ZDHHC13: variants seen among roughly 807,000 people sequenced by gnomAD.
ZDHHC13 encodes the protein palmitoyltransferase ZDHHC13.
Under a neutral mutation model 86.0 loss-of-function variants are expected in ZDHHC13, and 85 were observed. The ratio of observed to expected loss-of-function variants is 0.99; its 90% confidence interval spans 0.83 to 1.18. The LOEUF (loss-of-function observed/expected upper bound fraction) is 1.18. Ranked by LOEUF, ZDHHC13 falls within the 50% of genes most tolerant of loss-of-function variation. ZDHHC13 has a pLI of 0.00. For missense variants in ZDHHC13, 711 were observed against 730.2 expected (o/e 0.97, Z 0.30); for synonymous variants, 263 against 246.4 (o/e 1.07, Z -0.63).
At chr11:19,161,247 A>C (rs546278108) in intron 10 of ZDHHC13, among the ~76,000 whole-genome samples, 6 of 151,958 alleles carry the variant, frequency 3.9e-5, no homozygotes, top group East Asian at 3.9e-4. Context: ...AGAAGACAAA[A>C]CGATTTTGAG....
Position 19,165,040 on chromosome 11 carries a change from T to C in ZDHHC13, c.1297-12T>C, listed in dbSNP as rs1850019519. ...TGGTTTTTGCTTAGGCCTCTCTTAA[T>C]TGCCCACTTAGATAAGGAAGCCATT... On this transcript the variant is annotated splice_polypyrimidine_tract_variant and intron_variant, in intron 12 of 16. Coordinates refer to ENST00000446113, the MANE Select transcript of ZDHHC13 (RefSeq NM_019028.3). 2.5e-6 allele frequency: 4 copies of C among 1,610,434 alleles called. No individual in the cohort carries two copies. The highest frequency in any genetic ancestry group is 3.4e-6 in the Non-Finnish European group (4 of 1,178,166).
chr11:19,118,413 A>G (rs1365951271), intron 1 of ZDHHC13, among the ~76,000 whole-genome samples: 1 of 152,356 alleles, frequency 6.6e-6, no homozygotes, highest in Non-Finnish European at 1.5e-5. Context: ...CAGAAAAAAA[A>G]TAGTTCTCAG....
chr11:19,149,996 C>T (rs567748895), intron 5 of ZDHHC13, among the ~76,000 whole-genome samples: 22 of 152,222 alleles, frequency 1.4e-4, no homozygotes, highest in African/African-American at 4.6e-4. Flanking sequence ...GAATTATAAC[C>T]TCCTAGGTTT....
chr11:19,136,772 C>A (rs950401165), intron 1 of ZDHHC13, among the ~76,000 whole-genome samples: 1 of 151,950 alleles, frequency 6.6e-6, no homozygotes, highest in Non-Finnish European at 1.5e-5. Context: ...ATTCAACATT[C>A]TTAAAGAAAA....
At chr11:19,144,466 T>TGTGTGTG in intron 2 of ZDHHC13, among the ~76,000 whole-genome samples, 1 of 149,772 alleles carries the variant, frequency 6.7e-6, no homozygotes, top group African/African-American at 2.4e-5. Flanking sequence ...TGTGTGTGTG[T>TGTGTGTG]TTTCTAAACC....
Position 19,166,349 on chromosome 11 carries a change from A to C in ZDHHC13, c.1438A>C (p.Met480Leu). Residue 480 changes from methionine (M) to leucine (L), a missense_variant, in exon 14 of 17, where the codon ATG (methionine) becomes CTG (leucine). Coordinates refer to ENST00000446113, the MANE Select transcript of ZDHHC13 (RefSeq NM_019028.3). The stretch of plus-strand genomic sequence containing the variant: ...CATATTCTTCTTGTTTTTCCTTTCC[A>C]TGGTATGTGGCTGGATTATATATGG... ...YYIFFLFFLS[M>L]VCGWIIYGSF... 1 of 1,612,454 alleles carries C rather than the reference A, an allele frequency of 6.2e-7. No individual in the cohort carries two copies. The highest frequency in any genetic ancestry group is 1.3e-5 in the African/African-American group (1 of 74,918).
At position 19,147,692 on chromosome 11, in the gene ZDHHC13, C is replaced by G. The variant is rs1590075995; in HGVS notation, c.374+19C>G. The G allele has an allele frequency of 6.4e-7, 1 of 1,568,014 alleles. No individual in the cohort carries two copies. Among genetic ancestry groups the G allele is most frequent in the Non-Finnish European group, 8.7e-7 (1 of 1,152,366 alleles). ...CCATCCGGTAAGGTTTCTTTGAACA[C>G]TGAAATTAAATAGCCACATATAGCT... On this transcript the variant is annotated intron_variant, in intron 4 of 16. Transcript: ENST00000446113.
At chr11:19,123,249 C>T (rs1482725266) in intron 1 of ZDHHC13, among the ~76,000 whole-genome samples, 2 of 152,080 alleles carry the variant, frequency 1.3e-5, no homozygotes, top group Non-Finnish European at 2.9e-5. Context: ...AAGCTGATGT[C>T]CTTAATGCCT....
chr11:19,163,416 GA>G lies in ZDHHC13; in HGVS notation c.1226del (p.Lys409ArgfsTer3). 1.3e-6 allele frequency: 2 copies of G among 1,589,078 alleles called. No homozygotes were observed. Among genetic ancestry groups the G allele is most frequent in the East Asian group, 2.2e-5 (1 of 44,466 alleles). On this transcript the variant is annotated frameshift_variant, in exon 11 of 17. Transcript: ENST00000446113. LOFTEE classifies it high-confidence loss of function. ...AGGCTTCACTAAGGCTTCTGAAGAA[GA>G]AAAGAAAGTGGTGAGATTTCTTCGT... Reference protein sequence around the residue: ...DPGFTKASEEEKKVNIITLAE... With the variant: ...DPGFTKASEEXKKVNIITLAE...
At chr11:19,155,393 C>G (rs1441936500) in intron 8 of ZDHHC13, among the ~76,000 whole-genome samples, 2 of 151,964 alleles carry the variant, frequency 1.3e-5, no homozygotes, top group Admixed American at 1.3e-4. Flanking sequence ...CCAGCCTCGT[C>G]AACACAGTGA....
intron 10 of ZDHHC13, among the ~76,000 whole-genome samples, chr11:19,161,027 G>T (rs1490924771): frequency 6.6e-6 from 1 of 151,986 alleles, no homozygotes; most frequent in Non-Finnish European, 1.5e-5. Flanking sequence ...CTACTTGTGA[G>T]GGCATATAAG....
At chr11:19,126,504 T>A (rs1489008869) in intron 1 of ZDHHC13, among the ~76,000 whole-genome samples, 1 of 124,626 alleles carries the variant, frequency 8.0e-6, no homozygotes, top group Non-Finnish European at 1.7e-5. Flanking sequence ...CCTGGCTAAT[T>A]TTTTTTTTTT....
chr11:19,140,891 G>T (rs1414918062), intron 1 of ZDHHC13, among the ~76,000 whole-genome samples: 2 of 124,576 alleles, frequency 1.6e-5, no homozygotes, highest in Admixed American at 1.0e-4. Context: ...ACAGGAAGGG[G>T]AACATCATAC....
At chr11:19,173,877 A>C (rs928140274) in intron 16 of ZDHHC13, among the ~76,000 whole-genome samples, 3 of 152,180 alleles carry the variant, frequency 2.0e-5, no homozygotes, top group African/African-American at 7.2e-5. Flanking sequence ...CAAGCCCTAG[A>C]GAAGAGTCTG....
upstream of ZDHHC13, chr11:19,117,125 G>T (rs1848660190): frequency 1.9e-6 from 2 of 1,047,034 alleles, no homozygotes; most frequent in African/African-American, 3.2e-5. The surrounding 1 kb of genome is among the most constrained non-coding windows in gnomAD (Gnocchi z 4.2). Flanking sequence ...CACGAGCGGG[G>T]ACCGCAGCGG....
chr11:19,152,813 T>TC, intron 8 of ZDHHC13, 129 bp downstream of exon 8: 1 of 1,401,408 alleles, frequency 7.1e-7, no homozygotes, highest in South Asian at 1.3e-5. Context: ...ACTATATCTT[T>TC]CCCCCGCATC....
chr11:19,126,749 TAGCCTCC>T (rs1468485373), intron 1 of ZDHHC13, among the ~76,000 whole-genome samples: 1 of 152,132 alleles, frequency 6.6e-6, no homozygotes, highest in African/African-American at 2.4e-5. Context: ...ATAGGGGTAA[TAGCCTCC>T]AGCTCCATTC....
intron 1 of ZDHHC13, among the ~76,000 whole-genome samples, chr11:19,126,171 A>G (rs1848870200): frequency 6.6e-6 from 1 of 152,058 alleles, no homozygotes; most frequent in South Asian, 2.1e-4. Flanking sequence ...CAGGTTTGTT[A>G]TATACACAAA....
At chr11:19,122,021 A>T (rs2133356084) in intron 1 of ZDHHC13, among the ~76,000 whole-genome samples, 1 of 152,228 alleles carries the variant, frequency 6.6e-6, no homozygotes, top group Admixed American at 6.5e-5. Flanking sequence ...ACTCAAGGTT[A>T]CCTGTCTTCT....
Sources: gnomAD v4.1 joint callset for allele counts (sites outside exome capture counted in the v4.1 genomes callset) on GRCh38, gnomAD v4.1.1 for gene constraint, Gnocchi (gnomAD v3.1) non-coding constraint, MANE v1.5 for transcripts, NCBI Gene and HGNC (gene_info 2026-07-23, HGNC 2026-07-21) for gene names.